TGFB1I1: variants seen among roughly 807,000 people sequenced by gnomAD.
The protein encoded by TGFB1I1 is transforming growth factor beta 1 induced transcript 1.
A neutral mutation model predicts 52.0 loss-of-function variants in TGFB1I1; 33 were observed. The observed-to-expected ratio is 0.63, with a 90% confidence interval of 0.48 to 0.85. TGFB1I1 has a LOEUF of 0.85. TGFB1I1 is among the 40% of genes least tolerant of loss of function. The pLI is 0.00. For synonymous variants in TGFB1I1, 236 were observed against 253.3 expected, an observed-to-expected ratio of 0.93 and a Z score of 0.65; for missense variants, 577 against 614.9, an observed-to-expected ratio of 0.94 and a Z score of 0.65.
At position 31,474,632 on chromosome 16, in the gene TGFB1I1, G is replaced by A. The variant is rs1407039633; in HGVS notation, c.589G>A (p.Glu197Lys). The change falls in exon 7 of 11, where the codon GAG becomes AAG. Residue 197 changes from glutamate (E) to lysine (K), a missense_variant. Transcript: ENST00000394863. This position sits in a 1 kb window ranked among gnomAD's most constrained non-coding sequence, Gnocchi z 4.2. ...AAATGAGGGCTCCCCATCCCCACCA[G>A]AGCCGACTGGCAAGGGCAGCCTAGA... ...STNEGSPSPP[E>K]PTGKGSLDTM... The A allele has an allele frequency of 1.2e-6, 2 of 1,612,696 alleles. No individual in the cohort carries two copies. The highest frequency in any genetic ancestry group is 1.7e-6 in the Non-Finnish European group (2 of 1,179,294).
In TGFB1I1 at chr16:31,473,837, C is replaced by T. The variant is rs201803234; in HGVS notation, c.185C>T (p.Thr62Met). ...CAGGCTCCCACTCTGCTTCCCAGCA[C>T]GGTATGCAAGCCTCGGTCCCCAAAG... is the stretch of plus-strand genomic sequence containing the variant. ...ASGDKDHLYS[T>M]VCKPRSPKPA... Residue 62 changes from threonine (T) to methionine (M), a missense_variant and splice_region_variant, in exon 4 of 11, where the codon ACG becomes ATG. By Grantham distance (81) the Thr-to-Met change is moderately conservative (BLOSUM62 -1). This residue lies in a region of TGFB1I1 where 113 missense variants were observed against 123.9 expected (regional missense o/e 0.91). Coordinates refer to ENST00000394863, the MANE Select transcript of TGFB1I1 (RefSeq NM_001042454.3). 7 of 1,613,904 alleles carry T rather than the reference C, an allele frequency of 4.3e-6. No individual in the cohort carries two copies. Among genetic ancestry groups the T allele is most frequent in the Non-Finnish European group, 5.9e-6 (7 of 1,179,968 alleles).
rs1233634814 is a variant in TGFB1I1 at position 31,477,923 on chromosome 16, C to T, written c.*347C>T. On this transcript the variant is annotated 3_prime_UTR_variant, in exon 11 of 11. Coordinates refer to ENST00000394863, the MANE Select transcript of TGFB1I1 (RefSeq NM_001042454.3). The surrounding 1 kb of genome is among the most constrained non-coding windows in gnomAD (Gnocchi z 4.7). ...CCCTGCACCCTCACTGTTCTGTGCA[C>T]TTTTTCTACCTACATAAACACACGC... 3.1e-6 allele frequency: 1 copy of T among 324,112 alleles called. No individual in the cohort carries two copies. Among genetic ancestry groups the T allele is most frequent in the Non-Finnish European group, 5.7e-6 (1 of 176,646 alleles). The allele number at this position is 324,112 out of a possible 1,614,324, so 20.1% of individuals were successfully genotyped here.
chr16:31,474,833 G>C lies in TGFB1I1; in HGVS notation c.714+76G>C. ...TTTAGTGAGAGCTGGGCTTTATGCT[G>C]TTCCCTTTTAGTAAGTTAATCTGGG... is the stretch of plus-strand genomic sequence containing the variant. On this transcript the variant is annotated intron_variant, in intron 7 of 10. Transcript: ENST00000394863. The surrounding 1 kb of genome is among the most constrained non-coding windows in gnomAD (Gnocchi z 4.2). 1 of 1,389,200 alleles carries C rather than the reference G, an allele frequency of 7.2e-7. No homozygotes were observed. Among genetic ancestry groups the C allele is most frequent in the Non-Finnish European group, 9.9e-7 (1 of 1,013,492 alleles). 86.1% of individuals were successfully genotyped at this position (1,389,200 alleles called of 1,614,324 possible). A position where few individuals can be genotyped will look rare whatever the true frequency, so the allele number is the denominator to read the frequency against.
In TGFB1I1 at chr16:31,473,507, G is replaced by T; in HGVS notation, c.80G>T (p.Arg27Leu). ...HMPRSGAPKE[R>L]PAEPLTPPPS... ...CCAAGGTCAGGGGCTCCCAAAGAGCGCCCTGCGGAGCCTCTCACCCCTCCC... is the reference window on the plus strand; with the variant it reads ...CCAAGGTCAGGGGCTCCCAAAGAGCTCCCTGCGGAGCCTCTCACCCCTCCC... The change falls in exon 2 of 11, where the codon CGC (arginine) becomes CTC (leucine). Residue 27 changes from arginine to leucine, a missense_variant. Arg to Leu is a moderately radical substitution (Grantham distance 102, BLOSUM62 -2). Coordinates refer to ENST00000394863, the MANE Select transcript of TGFB1I1 (RefSeq NM_001042454.3). 2 of 1,613,782 alleles carry T rather than the reference G, an allele frequency of 1.2e-6. No homozygotes were observed. Among genetic ancestry groups the T allele is most frequent in the Non-Finnish European group, 1.7e-6 (2 of 1,180,012 alleles).
At chr16:31,475,965 ATGTGGT>A in intron 7 of TGFB1I1, 41 bp from the exon 8 acceptor site, 1 of 1,576,182 alleles carries the variant, frequency 6.3e-7, no homozygotes, top group Middle Eastern at 1.7e-4. Context: ...CTCACTGGGC[ATGTGGT>A]TGTCAGAGCC....
chr16:31,474,591 C>T lies in TGFB1I1; in HGVS notation c.548C>T (p.Pro183Leu), dbSNP rs757123886. The T allele has an allele frequency of 3.7e-5, 59 of 1,608,606 alleles. No homozygotes were observed. Among genetic ancestry groups the T allele is most frequent in the Middle Eastern group, 1.7e-4 (1 of 6,058 alleles). The change falls in exon 7 of 11, where the codon CCG becomes CTG. Residue 183 changes from proline to leucine, a missense_variant. Around this residue, in one of 3 missense-constraint regions of TGFB1I1, gnomAD observed 456 missense variants for 461.6 expected, o/e 0.99. Coordinates refer to ENST00000394863, the MANE Select transcript of TGFB1I1 (RefSeq NM_001042454.3). This position sits in a 1 kb window ranked among gnomAD's most constrained non-coding sequence, Gnocchi z 4.2. ...CCAGCCTCTGGGCCAACTCAGCCAC[C>T]GGTGGTGAGCTCCACAAATGAGGGC... ...HLPASGPTQP[P>L]VVSSTNEGSP... is the part of the protein sequence containing the mutation.
intron 1 of TGFB1I1, 183 bp from the exon 2 acceptor site, chr16:31,473,258 A>T (rs1297990759): frequency 2.3e-5 from 33 of 1,407,234 alleles, no homozygotes; most frequent in Admixed American, 3.0e-5. Context: ...AGCGTGAGCA[A>T]CTGGGATATT....
In TGFB1I1 at chr16:31,473,714, G is replaced by A. The variant is rs201741328; in HGVS notation, c.162G>A (p.Gly54=). 74 of 1,553,146 alleles carry A rather than the reference G, an allele frequency of 4.8e-5. No individual in the cohort carries two copies. Among genetic ancestry groups the A allele is most frequent in the Admixed American group, 7.7e-5 (4 of 51,710 alleles). The stretch of plus-strand genomic sequence containing the variant: ...CTGGGGAGTCTTCAGGAGCCTCGGG[G>A]GACAAGGACCACCTGTACAGGTGAG... ...TGSGESSGAS[G]DKDHLYSTVC... is the part of the protein sequence containing the mutation. The change falls in exon 3 of 11, where the codon GGG becomes GGA. Residue 54 remains glycine, a synonymous_variant. Transcript: ENST00000394863.
intron 7 of TGFB1I1, chr16:31,475,111 G>A (rs2082415790): frequency 1.1e-5 from 3 of 279,080 alleles, no homozygotes; most frequent in Non-Finnish European, 2.1e-5. Context: ...TCTGGACTGG[G>A]TTCACTGGTC....
In TGFB1I1 at chr16:31,476,770, C is replaced by G; in HGVS notation, c.971-92C>G. On this transcript the variant is annotated intron_variant, in intron 9 of 10. Coordinates refer to ENST00000394863, the MANE Select transcript of TGFB1I1 (RefSeq NM_001042454.3). The surrounding 1 kb of genome is among the most constrained non-coding windows in gnomAD (Gnocchi z 7.6). ...CCTCCTTCCCCAAGGCTCCCTCGGACTGCCCCTCCTTCGGCCCCAGATCTC... is the reference window on the plus strand; with the variant it reads ...CCTCCTTCCCCAAGGCTCCCTCGGAGTGCCCCTCCTTCGGCCCCAGATCTC... The G allele has an allele frequency of 6.4e-7, 1 of 1,571,056 alleles. No homozygotes were observed. The highest frequency in any genetic ancestry group is 1.2e-5 in the South Asian group (1 of 86,310).
rs1411949087 is a variant in TGFB1I1 at position 31,473,611 on chromosome 16, C to T, written c.129+55C>T. 33 of 1,606,990 alleles carry T rather than the reference C, an allele frequency of 2.1e-5. No homozygotes were observed. In the Admixed American group the frequency reaches 2.2e-4, roughly 11 times the overall value. On this transcript the variant is annotated intron_variant, in intron 2 of 10. Coordinates refer to ENST00000394863, the MANE Select transcript of TGFB1I1 (RefSeq NM_001042454.3). ...CCACTAGGGCCAGGCTCGGCCTGGT[C>T]TATGGGGATCTCAGCCTCAGTGGGG...
chr16:31,477,943 A>C lies in TGFB1I1; in HGVS notation c.*367A>C. On this transcript the variant is annotated 3_prime_UTR_variant, in exon 11 of 11. Coordinates refer to ENST00000394863, the MANE Select transcript of TGFB1I1 (RefSeq NM_001042454.3). This position sits in a 1 kb window ranked among gnomAD's most constrained non-coding sequence, Gnocchi z 4.7. ...GTGCACTTTTTCTACCTACATAAAC[A>C]CACGCATTCCACCTCTCCCTGGTGC... 1 of 244,704 alleles carries C rather than the reference A, an allele frequency of 4.1e-6. No homozygotes were observed. Among genetic ancestry groups the C allele is most frequent in the Non-Finnish European group, 7.9e-6 (1 of 127,148 alleles). The allele number at this position is 244,704 out of a possible 1,614,324, so 15.2% of individuals were successfully genotyped here.
chr16:31,477,583 G>A lies in TGFB1I1; in HGVS notation c.*7G>A. 1 of 1,592,740 alleles carries A rather than the reference G, an allele frequency of 6.3e-7. No individual in the cohort carries two copies. Among genetic ancestry groups the A allele is most frequent in the Non-Finnish European group, 8.5e-7 (1 of 1,170,886 alleles). On this transcript the variant is annotated 3_prime_UTR_variant, in exon 11 of 11. Coordinates refer to ENST00000394863, the MANE Select transcript of TGFB1I1 (RefSeq NM_001042454.3). The surrounding 1 kb of genome is among the most constrained non-coding windows in gnomAD (Gnocchi z 4.7). ...CCTGAAGCTCTTCGGCTGACAGCCCGCTCGGCTCGCCCTCTCCCCCGGAGG... is the reference window on the plus strand; with the variant it reads ...CCTGAAGCTCTTCGGCTGACAGCCCACTCGGCTCGCCCTCTCCCCCGGAGG...
In TGFB1I1 at chr16:31,473,144, T is replaced by C. The variant is rs1882026813; in HGVS notation, c.14-297T>C. The C allele has an allele frequency of 6.1e-6, 7 of 1,150,194 alleles. No homozygotes were observed. In the South Asian group the frequency reaches 1.6e-4, roughly 27 times the overall value. The allele number at this position is 1,150,194 out of a possible 1,614,324, so 71.2% of individuals were successfully genotyped here. A position where few individuals can be genotyped will look rare whatever the true frequency, so the allele number is the denominator to read the frequency against. ...CAGGCACTGGGCCAATGGAGCAATT[T>C]GGAGGGGAGCCAAATTTGGCTTGGG... On this transcript the variant is annotated intron_variant, in intron 1 of 10. Transcript: ENST00000394863.
In TGFB1I1 at chr16:31,473,707, C is replaced by G; in HGVS notation, c.155C>G (p.Ala52Gly). 2.6e-6 allele frequency: 4 copies of G among 1,552,664 alleles called. No individual in the cohort carries two copies. Among genetic ancestry groups the G allele is most frequent in the Non-Finnish European group, 3.5e-6 (4 of 1,150,428 alleles). Residue 52 changes from alanine to glycine, a missense_variant, in exon 3 of 11, where the codon GCC becomes GGC. By Grantham distance (60) the Ala-to-Gly change is moderately conservative (BLOSUM62 0). This residue lies in a region of TGFB1I1 where 113 missense variants were observed against 123.9 expected (regional missense o/e 0.91). Transcript: ENST00000394863. ...ACAGGGTCTGGGGAGTCTTCAGGAGCCTCGGGGGACAAGGACCACCTGTAC... is the reference window on the plus strand; with the variant it reads ...ACAGGGTCTGGGGAGTCTTCAGGAGGCTCGGGGGACAAGGACCACCTGTAC... ...PQTGSGESSG[A>G]SGDKDHLYST... is the part of the protein sequence containing the mutation.
rs1224484966 is a variant in TGFB1I1, at chr16:31,476,694, A to G, written c.970+132A>G. On this transcript the variant is annotated intron_variant, in intron 9 of 10. Transcript: ENST00000394863. The surrounding 1 kb of genome is among the most constrained non-coding windows in gnomAD (Gnocchi z 7.6). ...CTCTTCTGGCCCTGCCCTCTCCTAC[A>G]CAGACTCCGGACCCGAGCCCTCCCC... is the stretch of plus-strand genomic sequence containing the variant. 4 of 1,425,250 alleles carry G rather than the reference A, an allele frequency of 2.8e-6. No homozygotes were observed. The African/African-American group carries it at 5.7e-5, about 20-fold the overall frequency. 88.3% of individuals were successfully genotyped at this position (1,425,250 alleles called of 1,614,324 possible).
In TGFB1I1 at chr16:31,476,553, G is replaced by T. The variant is rs779997127; in HGVS notation, c.961G>T (p.Gly321Ter). ...CTGCGTCAGTTGCGGGGAGCCCTTC[G>T]GAGATGAGGGTGAGAGTGAACTCGA... ...FCCVSCGEPFGDEGFHEREGR... is the reference protein window; with the variant it reads ...FCCVSCGEPF The change falls in exon 9 of 11, where the codon GGA becomes TGA. Residue 321 changes from glycine to a stop codon, truncating the protein, a stop_gained. Coordinates refer to ENST00000394863, the MANE Select transcript of TGFB1I1 (RefSeq NM_001042454.3). LOFTEE classifies it high-confidence loss of function. This position sits in a 1 kb window ranked among gnomAD's most constrained non-coding sequence, Gnocchi z 7.6. 2 of 1,612,974 alleles carry T rather than the reference G, an allele frequency of 1.2e-6. No homozygotes were observed. The highest frequency in any genetic ancestry group is 2.2e-5 in the East Asian group (1 of 44,832).
Position 31,474,588 on chromosome 16 carries a change from C to A in TGFB1I1, c.545C>A (p.Pro182Gln), listed in dbSNP as rs1345592744. Reference protein sequence around the residue: ...NHLPASGPTQPPVVSSTNEGS... With the variant: ...NHLPASGPTQQPVVSSTNEGS... ...CTTCCAGCCTCTGGGCCAACTCAGC[C>A]ACCGGTGGTGAGCTCCACAAATGAG... The change falls in exon 7 of 11, where the codon CCA (proline) becomes CAA (glutamine). Residue 182 changes from proline to glutamine, a missense_variant. Coordinates refer to ENST00000394863, the MANE Select transcript of TGFB1I1 (RefSeq NM_001042454.3). This position sits in a 1 kb window ranked among gnomAD's most constrained non-coding sequence, Gnocchi z 4.2. 15 of 1,608,878 alleles carry A rather than the reference C, an allele frequency of 9.3e-6. No individual in the cohort carries two copies. The highest frequency in any genetic ancestry group is 1.3e-5 in the Non-Finnish European group (15 of 1,176,512).
In TGFB1I1 at chr16:31,476,154, G is replaced by T. The variant is rs1220967419; in HGVS notation, c.857G>T (p.Arg286Ile). The change falls in exon 8 of 11, where the codon AGA becomes ATA. Residue 286 changes from arginine (R) to isoleucine (I), a missense_variant. Physicochemically the swap from Arg to Ile is moderately conservative, Grantham distance 97. Transcript: ENST00000394863. The surrounding 1 kb of genome is among the most constrained non-coding windows in gnomAD (Gnocchi z 7.6). ...PECYFERFSPRCGFCNQPIRH... is the reference protein window; with the variant it reads ...PECYFERFSPICGFCNQPIRH... ...TGCTACTTTGAGCGCTTCTCGCCAAGATGTGGCTTCTGCAACCAGCCCATC... is the reference window on the plus strand; with the variant it reads ...TGCTACTTTGAGCGCTTCTCGCCAATATGTGGCTTCTGCAACCAGCCCATC... 1 of 1,613,436 alleles carries T rather than the reference G, an allele frequency of 6.2e-7. No individual in the cohort carries two copies. The highest frequency in any genetic ancestry group is 1.7e-5 in the Admixed American group (1 of 60,014).
Sources: gnomAD v4.1 joint callset for allele counts on GRCh38, gnomAD v4.1.1 for gene constraint, gnomAD v4.1.1 regional missense constraint, Gnocchi (gnomAD v3.1) non-coding constraint, MANE v1.5 for transcripts, NCBI Gene and HGNC (gene_info 2026-07-23, HGNC 2026-07-21) for gene names.